PPARGC1A: variants seen among roughly 807,000 people sequenced by gnomAD.
PPARGC1A encodes the protein PPARG coactivator 1 alpha, also known as peroxisome proliferator-activated receptor gamma coactivator 1-alpha.
A neutral mutation model predicts 88.7 loss-of-function variants in PPARGC1A; 25 were observed. The ratio of observed to expected loss-of-function variants is 0.28; its 90% CI spans 0.21 to 0.39. The LOEUF (loss-of-function observed/expected upper bound fraction) is 0.39. Among genes scored for constraint, PPARGC1A ranks in the 10% least tolerant of loss-of-function variants. The probability of loss-of-function intolerance (pLI) is 1.00; values close to 1 mark genes in which losing one functional copy is unlikely to be tolerated. For synonymous variants in PPARGC1A, 363 were observed against 355.6 expected (o/e 1.02, Z -0.24); for missense variants, 880 against 968.7 (o/e 0.91, Z 1.22).
At chr4:23,875,026 C>T (rs2148792539) in intron 2 of PPARGC1A, among the ~76,000 whole-genome samples, 1 of 152,314 alleles carries the variant, frequency 6.6e-6, no homozygotes, top group African/African-American at 2.4e-5. Flanking sequence ...AAATAAATTG[C>T]TTGTATTGTA....
chr4:23,797,346 T>C (rs187868526), intron 12 of PPARGC1A, among the ~76,000 whole-genome samples: 3 of 143,628 alleles, frequency 2.1e-5, no homozygotes, highest in East Asian at 4.0e-4. Flanking sequence ...TCAAAATCTT[T>C]TTTGTAGAGA....
At chr4:24,165,704 T>C in the PPARGC1A span, among the ~76,000 whole-genome samples, 2 of 152,168 alleles carry the variant, frequency 1.3e-5, no homozygotes, top group Non-Finnish European at 2.9e-5. Flanking sequence ...ATGTTACTAT[T>C]GTATTTGTAT....
the PPARGC1A span, among the ~76,000 whole-genome samples, chr4:24,041,421 C>A: frequency 6.6e-6 from 1 of 152,212 alleles, no homozygotes; most frequent in African/African-American, 2.4e-5. Flanking sequence ...GTGGCATCTT[C>A]AGGTCCAGGT....
chr4:24,240,839 C>T, the PPARGC1A span, among the ~76,000 whole-genome samples: 1 of 152,190 alleles, frequency 6.6e-6, no homozygotes, highest in Admixed American at 6.5e-5. Flanking sequence ...GTTGGGTACA[C>T]CCTAGAGGCA....
intron 12 of PPARGC1A, 28 bp from the exon 13 acceptor site, chr4:23,795,953 TAC>T (rs1717520774): frequency 1.1e-5 from 17 of 1,534,980 alleles, no homozygotes; most frequent in Non-Finnish European, 1.5e-5. Flanking sequence ...CCAGTTTAGA[TAC>T]ACACTTTGCT....
chr4:23,909,085 T>C (rs923483259), upstream of PPARGC1A, among the ~76,000 whole-genome samples: 1 of 152,136 alleles, frequency 6.6e-6, no homozygotes, highest in African/African-American at 2.4e-5. Context: ...GGAGAAGTGG[T>C]GGGGATCAGC....
the PPARGC1A span, among the ~76,000 whole-genome samples, chr4:24,018,582 T>C: frequency 1.3e-5 from 2 of 152,170 alleles, no homozygotes; most frequent in Non-Finnish European, 2.9e-5. Flanking sequence ...CAAATGTCAG[T>C]ATGTCTTCTA....
chr4:23,906,489 T>C (rs2148892111), upstream of PPARGC1A, among the ~76,000 whole-genome samples: 1 of 150,758 alleles, frequency 6.6e-6, no homozygotes, highest in Admixed American at 6.6e-5. Flanking sequence ...GGTGCATGCC[T>C]GTAATCCCAG....
At chr4:24,385,212 G>A in the PPARGC1A span, among the ~76,000 whole-genome samples, 5 of 152,120 alleles carry the variant, frequency 3.3e-5, no homozygotes, top group African/African-American at 4.8e-5. Flanking sequence ...GAGACACAAC[G>A]TACCAGAATC....
the PPARGC1A span, among the ~76,000 whole-genome samples, chr4:24,463,549 A>T: frequency 3.3e-5 from 5 of 152,342 alleles, no homozygotes; most frequent in Admixed American, 2.6e-4. Context: ...ACAAAGAATG[A>T]TAAATAAAGT....
the PPARGC1A span, among the ~76,000 whole-genome samples, chr4:23,974,779 C>A: frequency 7.0e-6 from 1 of 143,726 alleles, no homozygotes; most frequent in Non-Finnish European, 1.5e-5. Flanking sequence ...ACTACAGGAA[C>A]CAGCCACCAG....
chr4:23,946,636 A>C, the PPARGC1A span, among the ~76,000 whole-genome samples: 1 of 152,158 alleles, frequency 6.6e-6, no homozygotes, highest in African/African-American at 2.4e-5. Context: ...ACATGCAAGA[A>C]AGAAAGGAGG....
At chr4:24,022,774 C>G in the PPARGC1A span, among the ~76,000 whole-genome samples, 3 of 152,184 alleles carry the variant, frequency 2.0e-5, no homozygotes, top group African/African-American at 7.2e-5. Context: ...GCTCAGGCCA[C>G]GTGTCCCTTT....
chr4:24,453,756 G>C, the PPARGC1A span, among the ~76,000 whole-genome samples: 71 of 152,048 alleles, frequency 4.7e-4, no homozygotes, highest in African/African-American at 1.6e-3. Flanking sequence ...CTCCAGCCTG[G>C]GCAACAAGAG....
At chr4:24,454,623 A>C in the PPARGC1A span, among the ~76,000 whole-genome samples, 2 of 152,082 alleles carry the variant, frequency 1.3e-5, no homozygotes, top group East Asian at 3.9e-4. Flanking sequence ...CTATAGCCCC[A>C]CCTACTCAGG....
chr4:24,265,489 G>T, the PPARGC1A span, among the ~76,000 whole-genome samples: 1 of 152,114 alleles, frequency 6.6e-6, no homozygotes, highest in Non-Finnish European at 1.5e-5. Flanking sequence ...CTACACAGGG[G>T]AAGGCTTCTG....
At chr4:24,343,350 A>G in the PPARGC1A span, among the ~76,000 whole-genome samples, 2 of 152,324 alleles carry the variant, frequency 1.3e-5, no homozygotes, top group South Asian at 2.1e-4. Context: ...GAACCTACCC[A>G]TGGATGAGAT....
chr4:23,955,139 T>C, the PPARGC1A span, among the ~76,000 whole-genome samples: 1 of 152,100 alleles, frequency 6.6e-6, no homozygotes, highest in South Asian at 2.1e-4. Context: ...GTCCAGGTAT[T>C]AAATACCAAC....
chr4:23,890,018 C>A lies in PPARGC1A; in HGVS notation c.-61G>T. The A allele has an allele frequency of 6.2e-7, 1 of 1,607,818 alleles. No individual in the cohort carries two copies. On this transcript the variant is annotated 5_prime_UTR_variant, in exon 1 of 13. Transcript: ENST00000264867. ...CTCCAATCCACAGTGACACAGAGCA[C>A]ACACTCATGCAGGCAACCAGCCCCT...
Sources: gnomAD v4.1 joint callset for allele counts (sites outside exome capture counted in the v4.1 genomes callset) on GRCh38, gnomAD v4.1.1 for gene constraint, MANE v1.5 for transcripts, NCBI Gene and HGNC (gene_info 2026-07-23, HGNC 2026-07-21) for gene names.